The following FGD4 variants were observed in gnomAD, a reference collection of about 807,000 sequenced individuals.
FGD4 encodes the protein FYVE, RhoGEF and PH domain containing 4.
Under a neutral mutation model 102.0 loss-of-function variants are expected in FGD4, and 42 were observed. The ratio of observed to expected loss-of-function variants is 0.41; its 90% CI spans 0.32 to 0.53. The LOEUF is 0.53. Among genes scored for constraint, FGD4 ranks in the 20% least tolerant of loss-of-function variants. The pLI is 0.21. For missense variants in FGD4, 902 were observed against 1,078.2 expected (o/e 0.84, Z 2.29); for synonymous variants, 380 against 375.7 (o/e 1.01, Z -0.13).
chr12:32,471,791 A>C (rs1241839608), intron 1 of FGD4, among the ~76,000 whole-genome samples: 2 of 152,112 alleles, frequency 1.3e-5, no homozygotes, highest in Admixed American at 6.6e-5. Flanking sequence ...TCCAACAGGG[A>C]GGCAGTGGAT....
chr12:32,411,793 G>T (rs1415744196), intron 1 of FGD4, among the ~76,000 whole-genome samples: 1 of 152,118 alleles, frequency 6.6e-6, no homozygotes, highest in Non-Finnish European at 1.5e-5. Context: ...TGACCAACAT[G>T]GTGAAATCCT....
chr12:32,528,971 T>A (rs1941528611), intron 1 of FGD4, among the ~76,000 whole-genome samples: 1 of 152,202 alleles, frequency 6.6e-6, no homozygotes. Context: ...TATAAATAGA[T>A]GTTCAAGGAT....
chr12:32,617,911 T>G (rs925591820), intron 10 of FGD4, among the ~76,000 whole-genome samples: 7 of 152,234 alleles, frequency 4.6e-5, no homozygotes, highest in African/African-American at 1.7e-4. Flanking sequence ...GAAAAGGATA[T>G]TTATTGACTA....
intron 1 of FGD4, among the ~76,000 whole-genome samples, chr12:32,439,080 C>G (rs2136451834): frequency 6.6e-6 from 1 of 152,252 alleles, no homozygotes; most frequent in South Asian, 2.1e-4. Context: ...TTCTTCCTAT[C>G]CAACTGAAAT....
At chr12:32,565,954 C>G (rs577160557) in intron 2 of FGD4, among the ~76,000 whole-genome samples, 1 of 152,268 alleles carries the variant, frequency 6.6e-6, no homozygotes, top group African/African-American at 2.4e-5. Flanking sequence ...AAATTTTAAC[C>G]TCACCTTTCA....
At chr12:32,577,035 T>G (rs1231749681) in intron 3 of FGD4, among the ~76,000 whole-genome samples, 1 of 152,170 alleles carries the variant, frequency 6.6e-6, no homozygotes, top group Non-Finnish European at 1.5e-5. Flanking sequence ...AATTTCAGTT[T>G]TGTATTTATT....
intron 1 of FGD4, among the ~76,000 whole-genome samples, chr12:32,468,919 G>A (rs996741904): frequency 2.0e-5 from 3 of 151,692 alleles, no homozygotes; most frequent in East Asian, 3.9e-4. Context: ...CTCCGCCTCC[G>A]AGTTCAAGCG....
chr12:32,430,034 G>A (rs148439453), intron 1 of FGD4, among the ~76,000 whole-genome samples: 130 of 152,208 alleles, frequency 8.5e-4, no homozygotes, highest in African/African-American at 3.0e-3. Flanking sequence ...TGGGCTGGGC[G>A]CGCTGGCTTA....
chr12:32,577,759 T>C lies in FGD4; in HGVS notation c.503+1310T>C, dbSNP rs183842946. Among the ~76,000 whole-genome samples the C allele has an allele frequency of 1.2e-3, 188 of 152,356 alleles. 1 individual carries two copies. The highest frequency in any genetic ancestry group is 4.4e-3 in the African/African-American group (181 of 41,578). On this transcript the variant is annotated intron_variant, in intron 3 of 16. Transcript: ENST00000534526. ...TTTAATTCCATTTAAAACTTTTTTT[T>C]TGCTGCTCAGGGTAAATTGACTTGA...
intron 1 of FGD4, among the ~76,000 whole-genome samples, chr12:32,562,113 C>A (rs1490389652): frequency 6.6e-6 from 1 of 152,198 alleles, no homozygotes; most frequent in Non-Finnish European, 1.5e-5. Flanking sequence ...TTTTGAGTTG[C>A]TCTGTGACTA....
chr12:32,513,295 T>C (rs1211426190), intron 1 of FGD4, among the ~76,000 whole-genome samples: 1 of 152,206 alleles, frequency 6.6e-6, no homozygotes, highest in Non-Finnish European at 1.5e-5. Context: ...CATAGTTGTT[T>C]AGAATATAAG....
At position 32,604,996 on chromosome 12, in the gene FGD4, T is replaced by C. The variant is rs184176098; in HGVS notation, c.1404+2679T>C. ...CTCTGTCACCCAGGCTGGAGTGCAG[T>C]GGTATGATCTCGGCTCACTGTAACC... On this transcript the variant is annotated intron_variant, in intron 7 of 16. Coordinates refer to ENST00000534526, the MANE Select transcript of FGD4 (RefSeq NM_001370298.3). Among the ~76,000 whole-genome samples the C allele has an allele frequency of 6.9e-4, 92 of 133,474 alleles. No homozygotes were observed. The Admixed American group carries it at 7.2e-3, about 10-fold the overall frequency. 87.6% of individuals were successfully genotyped at this position (133,474 alleles called of 152,430 possible). A position where few individuals can be genotyped will look rare whatever the true frequency, so the allele number is the denominator to read the frequency against.
chr12:32,599,001 GTAGTC>G (rs1254411451), intron 5 of FGD4, among the ~76,000 whole-genome samples: 1 of 152,208 alleles, frequency 6.6e-6, no homozygotes, highest in African/African-American at 2.4e-5. Flanking sequence ...CTGAGCTGGT[GTAGTC>G]ATAGGGCCAG....
At chr12:32,525,994 G>A (rs896405267) in intron 1 of FGD4, among the ~76,000 whole-genome samples, 16 of 152,246 alleles carry the variant, frequency 1.1e-4, no homozygotes, top group African/African-American at 1.7e-4. Context: ...AGCCTCCGAC[G>A]AGCACCACCC....
chr12:32,496,699 C>T (rs1246752146), intron 1 of FGD4, among the ~76,000 whole-genome samples: 1 of 152,098 alleles, frequency 6.6e-6, no homozygotes, highest in Non-Finnish European at 1.5e-5. Flanking sequence ...GTAGAGTCTT[C>T]ACTTTCATAT....
At chr12:32,455,921 G>A (rs574217178) in intron 1 of FGD4, among the ~76,000 whole-genome samples, 1 of 152,236 alleles carries the variant, frequency 6.6e-6, no homozygotes, top group Middle Eastern at 3.4e-3. Flanking sequence ...AAAAGCAAAA[G>A]GAATTATTGT....
In FGD4 at chr12:32,643,954, G is replaced by C. The variant is rs991796699; in HGVS notation, c.*3421G>C. 2 of 152,052 alleles carry C rather than the reference G, an allele frequency of 1.3e-5. No homozygotes were observed. The highest frequency in any genetic ancestry group is 2.9e-5 in the Non-Finnish European group (2 of 67,958). The allele number at this position is 152,052 out of a possible 1,614,324, so 9.4% of individuals were successfully genotyped here. A position where few individuals can be genotyped will look rare whatever the true frequency, so the allele number is the denominator to read the frequency against. On this transcript the variant is annotated 3_prime_UTR_variant, in exon 17 of 17. Transcript: ENST00000534526. Reference sequence around the variant, plus strand: ...GATCTTTCTGGACTAGATACAACCTGAGTAGCAAGCACCAACCGGAGCAAG... The same window carrying C: ...GATCTTTCTGGACTAGATACAACCTCAGTAGCAAGCACCAACCGGAGCAAG...
At chr12:32,420,314 C>T (rs997995622) in intron 1 of FGD4, among the ~76,000 whole-genome samples, 8 of 152,132 alleles carry the variant, frequency 5.3e-5, no homozygotes, top group South Asian at 4.1e-4. Flanking sequence ...AAGGATCTAG[C>T]ACCTACTACA....
intron 1 of FGD4, among the ~76,000 whole-genome samples, chr12:32,539,547 C>A: frequency 6.8e-6 from 1 of 147,562 alleles, no homozygotes; most frequent in African/African-American, 2.5e-5. Context: ...CCAGCCTGGG[C>A]AACAAGAGCG....
Sources: allele counts gnomAD v4.1 joint callset (sites outside exome capture counted in the v4.1 genomes callset), GRCh38; gene constraint gnomAD v4.1.1; transcripts MANE v1.5; gene names NCBI Gene and HGNC (gene_info 2026-07-23, HGNC 2026-07-21).